CTNNA1: variants seen among roughly 807,000 people sequenced by gnomAD.
CTNNA1 encodes catenin alpha 1.
A neutral mutation model predicts 98.4 loss-of-function variants in CTNNA1; 37 were observed. The observed-to-expected ratio is 0.38, with a 90% CI of 0.29 to 0.49. The LOEUF is 0.49. Ranked by LOEUF, CTNNA1 falls within the 20% of genes least tolerant of loss-of-function variation. The probability of loss-of-function intolerance (pLI) is 0.95; values close to 1 mark genes in which losing one functional copy is unlikely to be tolerated. For missense variants in CTNNA1, 761 were observed against 1,147.2 expected, an observed-to-expected ratio of 0.66 and a Z score of 4.86; for synonymous variants, 404 against 413.2, an observed-to-expected ratio of 0.98 and a Z score of 0.27.
At chr5:138,888,171 C>T (rs1299955241) in intron 9 of CTNNA1, among the ~76,000 whole-genome samples, 3 of 152,172 alleles carry the variant, frequency 2.0e-5, no homozygotes, top group Non-Finnish European at 4.4e-5. Context: ...AAACTGAGCC[C>T]TGACATGGGG....
intron 3 of CTNNA1, among the ~76,000 whole-genome samples, chr5:138,800,677 C>T (rs1295088879): frequency 6.6e-6 from 1 of 152,116 alleles, no homozygotes; most frequent in Non-Finnish European, 1.5e-5. Flanking sequence ...GTGGCGCATG[C>T]CTGTAATCCG....
intron 7 of CTNNA1, among the ~76,000 whole-genome samples, chr5:138,854,138 A>G (rs892797005): frequency 6.6e-6 from 1 of 152,166 alleles, no homozygotes; most frequent in African/African-American, 2.4e-5. Context: ...AGTTTTAAGA[A>G]TATTTGTTTT....
At chr5:138,828,405 T>A (rs1760938254) in intron 7 of CTNNA1, among the ~76,000 whole-genome samples, 1 of 152,180 alleles carries the variant, frequency 6.6e-6, no homozygotes, top group Admixed American at 6.5e-5. Context: ...ATTCTATATT[T>A]GTTGATTTTT....
At position 138,821,244 on chromosome 5, in the gene CTNNA1, A is replaced by G. The variant is rs1581154467; in HGVS notation, c.589-3286A>G. 5.3e-5 allele frequency among the ~76,000 whole-genome samples: 8 copies of G among 152,294 alleles called. 1 individual carries two copies. Among genetic ancestry groups the G allele is most frequent in the Admixed American group, 5.2e-4 (8 of 15,302 alleles). ...CAGAAGTAAGGATGGGTTGGCATCA[A>G]CCTTAGATCCTGTGAGAAGGACCAC... is the stretch of plus-strand genomic sequence containing the variant. On this transcript the variant is annotated intron_variant, in intron 5 of 17. Transcript: ENST00000302763.
chr5:138,912,524 A>G (rs1167536832), intron 10 of CTNNA1, among the ~76,000 whole-genome samples: 1 of 152,234 alleles, frequency 6.6e-6, no homozygotes, highest in Non-Finnish European at 1.5e-5. Context: ...TTAGCCTGAT[A>G]AAGAATCTCC....
At chr5:138,753,872 C>T (rs918906833) in intron 1 of CTNNA1, 5 of 159,438 alleles carry the variant, frequency 3.1e-5, no homozygotes, top group African/African-American at 1.2e-4. Context: ...GTTACCGCGG[C>T]CTCGGCGCGC....
At chr5:138,878,099 A>G (rs1475571532) in intron 7 of CTNNA1, among the ~76,000 whole-genome samples, 1 of 152,238 alleles carries the variant, frequency 6.6e-6, no homozygotes, top group Non-Finnish European at 1.5e-5. Context: ...AAAATTGCCC[A>G]GAGAAGCATC....
At position 138,824,620 on chromosome 5, in the gene CTNNA1, G is replaced by A. The variant is rs2149775868; in HGVS notation, c.679G>A (p.Ala227Thr). The change falls in exon 6 of 18, where the codon GCA (alanine) becomes ACA (threonine). Residue 227 changes from alanine (A) to threonine (T), a missense_variant. Ala to Thr is a moderately conservative substitution (Grantham distance 58). Transcript: ENST00000302763. ...TCCGATCCTCTATACTGCATCCCAG[G>A]CATGCCTACAGCACCCTGATGTCGC... ...NVPILYTASQ[A>T]CLQHPDVAAY... The A allele has an allele frequency of 4.3e-6, 7 of 1,614,202 alleles. No homozygotes were observed. Among genetic ancestry groups the A allele is most frequent in the Non-Finnish European group, 5.9e-6 (7 of 1,180,034 alleles).
chr5:138,888,094 T>C (rs1162536748), intron 9 of CTNNA1, among the ~76,000 whole-genome samples: 2 of 152,226 alleles, frequency 1.3e-5, no homozygotes, highest in African/African-American at 2.4e-5. Flanking sequence ...AAAAAGATGA[T>C]GTATGTCAAA....
At chr5:138,761,678 A>G (rs1752395589) in intron 1 of CTNNA1, among the ~76,000 whole-genome samples, 1 of 152,162 alleles carries the variant, frequency 6.6e-6, no homozygotes, top group Non-Finnish European at 1.5e-5. Flanking sequence ...GTAGTGAAAA[A>G]CATGAACCCA....
intron 10 of CTNNA1, among the ~76,000 whole-genome samples, chr5:138,915,343 C>T (rs1300969704): frequency 2.0e-5 from 3 of 151,998 alleles, no homozygotes; most frequent in Non-Finnish European, 4.4e-5. Flanking sequence ...AACATATGAA[C>T]GGTACCTGAC....
At chr5:138,880,840 G>A (rs1169947841) in intron 7 of CTNNA1, 1 of 333,726 alleles carries the variant, frequency 3.0e-6, no homozygotes, top group Non-Finnish European at 6.0e-6. Context: ...TTGGCTATAT[G>A]CTAGCACTTA....
chr5:138,774,113 C>T (rs1171166032), intron 1 of CTNNA1, among the ~76,000 whole-genome samples: 4 of 152,112 alleles, frequency 2.6e-5, no homozygotes, highest in African/African-American at 9.7e-5. Flanking sequence ...GAGATCCCGA[C>T]CTCAGGTGAT....
At chr5:138,786,488 T>TA (rs963450417) in intron 3 of CTNNA1, among the ~76,000 whole-genome samples, 25 of 150,942 alleles carry the variant, frequency 1.7e-4, no homozygotes, top group African/African-American at 4.4e-4. Flanking sequence ...ACCCCTCCCT[T>TA]AAAAAAAAAT....
At chr5:138,779,535 T>A (rs984139981) in intron 1 of CTNNA1, among the ~76,000 whole-genome samples, 49 of 150,266 alleles carry the variant, frequency 3.3e-4, no homozygotes, top group South Asian at 1.7e-3. Context: ...GTCCGTTTTT[T>A]AAAAAAAAAA....
intron 5 of CTNNA1, among the ~76,000 whole-genome samples, chr5:138,816,484 T>G (rs1297570060): frequency 6.6e-6 from 1 of 152,198 alleles, no homozygotes; most frequent in Non-Finnish European, 1.5e-5. Flanking sequence ...TGATTTACAT[T>G]CCCACCATCA....
chr5:138,867,747 C>CTTTTTTT (rs67829407), intron 7 of CTNNA1, among the ~76,000 whole-genome samples: 1 of 144,120 alleles, frequency 6.9e-6, no homozygotes, highest in Non-Finnish European at 1.5e-5. Flanking sequence ...TTCTTTCTTT[C>CTTTTTTT]TTTTTTTTTT....
chr5:138,885,775 A>T (rs1169008929), intron 7 of CTNNA1, among the ~76,000 whole-genome samples: 1 of 152,146 alleles, frequency 6.6e-6, no homozygotes, highest in Non-Finnish European at 1.5e-5. Context: ...ACATTGTTTC[A>T]GTGCCAGGTC....
rs545293015 is a variant in CTNNA1 at position 138,850,164 on chromosome 5, T to C, written c.1062+22446T>C. On this transcript the variant is annotated intron_variant, in intron 7 of 17. Transcript: ENST00000302763. The stretch of plus-strand genomic sequence containing the variant: ...CTAATGTTTATTTACTTTGCTCTTA[T>C]GGCTACCCAGTCTGATTCCACATGC... Among the ~76,000 whole-genome samples, 5 of 152,378 alleles carry C rather than the reference T, an allele frequency of 3.3e-5. No individual in the cohort carries two copies. The East Asian group carries it at 9.6e-4, about 29-fold the overall frequency.
Sources: gnomAD v4.1 joint callset for allele counts (sites outside exome capture counted in the v4.1 genomes callset) on GRCh38, gnomAD v4.1.1 for gene constraint, MANE v1.5 for transcripts, NCBI Gene and HGNC (gene_info 2026-07-23, HGNC 2026-07-21) for gene names.